The following FBXL13 variants were observed in gnomAD, a reference collection of about 807,000 sequenced individuals.
FBXL13 encodes the protein F-box and leucine-rich repeat protein 13.
FBXL13 carries 67 observed loss-of-function variants against 83.6 expected under a neutral mutation model. That is an observed-to-expected ratio of 0.80 (90% CI 0.66 to 0.98). FBXL13 has a LOEUF of 0.98. Ranked by LOEUF, FBXL13 falls within the 50% of genes least tolerant of loss-of-function variation. FBXL13 has a pLI of 0.00. For missense variants in FBXL13, 822 were observed against 866.5 expected (o/e 0.95, Z 0.64); for synonymous variants, 272 against 299.5 (o/e 0.91, Z 0.95).
intron 17 of FBXL13, among the ~76,000 whole-genome samples, chr7:102,836,273 A>G (rs1213698616): frequency 1.3e-5 from 2 of 152,352 alleles, no homozygotes; most frequent in East Asian, 3.9e-4. Flanking sequence ...TGAGGCACAA[A>G]AATTGGTCTA....
chr7:102,884,372 G>T, intron 11 of FBXL13, 60 bp from the exon 13 acceptor site: 2 of 1,262,774 alleles, frequency 1.6e-6, no homozygotes, highest in African/African-American at 2.9e-5. Flanking sequence ...AAATCCAAGG[G>T]AGTAATAACC....
chr7:102,831,822 A>T (rs1800755107), intron 18 of FBXL13, among the ~76,000 whole-genome samples: 1 of 152,104 alleles, frequency 6.6e-6, no homozygotes, highest in South Asian at 2.1e-4. Flanking sequence ...TTCCTTATCC[A>T]TATGGGCCCT....
chr7:103,024,482 G>A (rs1793616303), intron 6 of FBXL13, among the ~76,000 whole-genome samples: 1 of 134,032 alleles, frequency 7.5e-6, no homozygotes. Flanking sequence ...AGCTGAGATT[G>A]CACCAATGCA....
intron 6 of FBXL13, among the ~76,000 whole-genome samples, chr7:103,003,307 A>G (rs1167927066): frequency 1.0e-4 from 3 of 29,922 alleles, no homozygotes; most frequent in Admixed American, 5.0e-4. Context: ...TTTTTTTTTG[A>G]GACAGACTCT....
intron 6 of FBXL13, among the ~76,000 whole-genome samples, chr7:102,991,166 A>G (rs1291634903): frequency 6.6e-6 from 1 of 152,242 alleles, no homozygotes; most frequent in Non-Finnish European, 1.5e-5. Flanking sequence ...TTACATGCTA[A>G]AAAGAAAAAA....
chr7:102,970,707 A>G (rs949781505), intron 6 of FBXL13, among the ~76,000 whole-genome samples: 1 of 152,232 alleles, frequency 6.6e-6, no homozygotes, highest in Non-Finnish European at 1.5e-5. Context: ...AAGAAAAATA[A>G]AACTCTTGAG....
intron 6 of FBXL13, among the ~76,000 whole-genome samples, chr7:102,992,785 T>C (rs1003621600): frequency 6.6e-6 from 1 of 152,190 alleles, no homozygotes; most frequent in African/African-American, 2.4e-5. Flanking sequence ...TTTTGTATTT[T>C]TCATAGAGAC....
At chr7:102,908,976 T>C (rs1191062321) in intron 11 of FBXL13, among the ~76,000 whole-genome samples, 2 of 152,200 alleles carry the variant, frequency 1.3e-5, no homozygotes, top group African/African-American at 4.8e-5. Context: ...TGTGTCCTCC[T>C]CTTCAGGGTG....
intron 1 of FBXL13, among the ~76,000 whole-genome samples, chr7:103,061,535 A>C (rs2129499378): frequency 6.6e-6 from 1 of 152,302 alleles, no homozygotes. Flanking sequence ...AAAATGAGTT[A>C]GTGTATCCAG....
chr7:102,911,137 G>A (rs1814597923), intron 11 of FBXL13, among the ~76,000 whole-genome samples: 1 of 152,228 alleles, frequency 6.6e-6, no homozygotes, highest in Admixed American at 6.5e-5. Flanking sequence ...AATGGGTGGA[G>A]CCTTCTGTTC....
chr7:102,864,488 C>T (rs1807341028), intron 16 of FBXL13, among the ~76,000 whole-genome samples: 2 of 152,108 alleles, frequency 1.3e-5, no homozygotes, highest in Non-Finnish European at 1.5e-5. Flanking sequence ...CCTGCCTCAG[C>T]CTCCCAAATA....
At chr7:102,883,382 C>T in exon 14 of FBXL13, 1 of 1,613,698 alleles carries the variant, frequency 6.2e-7, no homozygotes, top group Non-Finnish European at 8.5e-7. Context: ...CTGTTATTCC[C>T]TTGCAGTCAG....
chr7:102,854,151 G>A (rs1303306668), intron 17 of FBXL13, among the ~76,000 whole-genome samples: 1 of 152,032 alleles, frequency 6.6e-6, no homozygotes, highest in Non-Finnish European at 1.5e-5. Flanking sequence ...ACTGGATTAA[G>A]AAAATGTGGC....
chr7:102,935,242 C>CTTTTTTTTTTTTTT (rs71106700), intron 8 of FBXL13, among the ~76,000 whole-genome samples: 16 of 76,418 alleles, frequency 2.1e-4, no homozygotes, highest in African/African-American at 5.2e-4. Flanking sequence ...TTTTTTCTTT[C>CTTTTTTTTTTTTTT]TTTTTTTTTT....
intron 19 of FBXL13, among the ~76,000 whole-genome samples, chr7:102,815,552 C>T (rs1797878387): frequency 6.6e-6 from 1 of 152,132 alleles, no homozygotes; most frequent in African/African-American, 2.4e-5. Flanking sequence ...ACACACACTG[C>T]AGTTCACAGT....
chr7:102,817,971 C>T (rs1475037575), intron 19 of FBXL13, among the ~76,000 whole-genome samples: 1 of 152,184 alleles, frequency 6.6e-6, no homozygotes, highest in Non-Finnish European at 1.5e-5. Flanking sequence ...ATAGTTGTAA[C>T]ATTTCACATT....
At chr7:103,050,899 T>A (rs1388015670) in intron 2 of FBXL13, among the ~76,000 whole-genome samples, 1 of 152,156 alleles carries the variant, frequency 6.6e-6, no homozygotes, top group African/African-American at 2.4e-5. Context: ...GCAGTTAACA[T>A]CCCATAGCGC....
In FBXL13 at chr7:103,021,020, G is replaced by A. The variant is rs550447049; in HGVS notation, c.495+4043C>T. Reference sequence around the variant, plus strand: ...ATGGAACCAAAAAAGAGCCCACATTGCCAAGACAATCCTAAGCAAAAAGAA... The same window carrying A: ...ATGGAACCAAAAAAGAGCCCACATTACCAAGACAATCCTAAGCAAAAAGAA... On this transcript the variant is annotated intron_variant, in intron 6 of 19. Coordinates refer to ENST00000313221, the Ensembl canonical transcript of FBXL13. 3.3e-5 allele frequency among the ~76,000 whole-genome samples: 5 copies of A among 152,280 alleles called. No homozygotes were observed. In the South Asian group the frequency reaches 8.3e-4, roughly 25 times the overall value.
intron 8 of FBXL13, among the ~76,000 whole-genome samples, chr7:102,952,343 G>A (rs1011825122): frequency 6.6e-6 from 1 of 152,044 alleles, no homozygotes; most frequent in African/African-American, 2.4e-5. Context: ...TGGTTAAAAT[G>A]GTAATTTTTA....
Sources: allele counts gnomAD v4.1 joint callset (sites outside exome capture counted in the v4.1 genomes callset), GRCh38; gene constraint gnomAD v4.1.1; transcripts MANE v1.5; gene names NCBI Gene and HGNC (gene_info 2026-07-23, HGNC 2026-07-21).